The following DHTKD1 variants were observed in gnomAD, a reference collection of about 807,000 sequenced individuals.
The protein encoded by DHTKD1 is dehydrogenase E1 and transketolase domain containing 1.
DHTKD1 carries 78 observed loss-of-function variants against 101.8 expected under a neutral mutation model. The ratio of observed to expected loss-of-function variants is 0.77; its 90% CI spans 0.64 to 0.93. The LOEUF (loss-of-function observed/expected upper bound fraction) is 0.93. Ranked by LOEUF, DHTKD1 falls within the 40% of genes least tolerant of loss-of-function variation. The pLI, the probability that DHTKD1 is intolerant of heterozygous loss-of-function variation, is 0.00. For synonymous variants in DHTKD1, 462 were observed against 450.3 expected (o/e 1.03, Z -0.33); for missense variants, 1,223 against 1,161.7 (o/e 1.05, Z -0.77).
At position 12,088,487 on chromosome 10, in the gene DHTKD1, G is replaced by A. The variant is rs1005040556; in HGVS notation, c.718-499G>A. 2.0e-5 allele frequency among the ~76,000 whole-genome samples: 3 copies of A among 151,888 alleles called. No homozygotes were observed. In the East Asian group the frequency reaches 5.8e-4, roughly 29 times the overall value. On this transcript the variant is annotated intron_variant, in intron 4 of 16. Coordinates refer to ENST00000263035, the MANE Select transcript of DHTKD1 (RefSeq NM_018706.7). ...ATCCTGTCTTAAAAAAAAAAAAGAGGAAAGGCAACTAAGCATATGAGCAGT... is the reference window on the plus strand; with the variant it reads ...ATCCTGTCTTAAAAAAAAAAAAGAGAAAAGGCAACTAAGCATATGAGCAGT...
intron 7 of DHTKD1, among the ~76,000 whole-genome samples, chr10:12,095,639 G>A (rs897407669): frequency 1.3e-5 from 2 of 150,770 alleles, no homozygotes; most frequent in East Asian, 3.9e-4. Flanking sequence ...CGGTGAAACC[G>A]CGTCTCTACT....
At position 12,081,540 on chromosome 10, in the gene DHTKD1, C is replaced by T; in HGVS notation, c.223C>T (p.Pro75Ser). 3 of 1,614,102 alleles carry T rather than the reference C, an allele frequency of 1.9e-6. No homozygotes were observed. The highest frequency in any genetic ancestry group is 2.5e-6 in the Non-Finnish European group (3 of 1,180,004). The change falls in exon 2 of 17, where the codon CCC becomes TCC. Residue 75 changes from proline (P) to serine (S), a missense_variant. By Grantham distance (74) the Pro-to-Ser change is moderately conservative (BLOSUM62 -1). Transcript: ENST00000263035. Reference protein sequence around the residue: ...EHGHKAAKINPLFTGQALLEN... With the variant: ...EHGHKAAKINSLFTGQALLEN... ...TGGTCATAAAGCTGCCAAAATCAAC[C>T]CCCTCTTCACCGGACAAGCCCTGCT...
chr10:12,090,720 C>T (rs1445232377), intron 5 of DHTKD1, among the ~76,000 whole-genome samples: 1 of 152,112 alleles, frequency 6.6e-6, no homozygotes, highest in Non-Finnish European at 1.5e-5. Flanking sequence ...TTCCTAGCTT[C>T]AAGCAACCCT....
intron 1 of DHTKD1, among the ~76,000 whole-genome samples, chr10:12,080,716 A>G (rs905192643): frequency 2.0e-5 from 3 of 151,714 alleles, no homozygotes; most frequent in Admixed American, 6.6e-5. Context: ...GTCTGAAAAA[A>G]AAAAAAAGAA....
rs1167971434 is a variant in DHTKD1, at chr10:12,083,113, G to A, written c.311-1427G>A. 3.3e-5 allele frequency among the ~76,000 whole-genome samples: 5 copies of A among 151,800 alleles called. No individual in the cohort carries two copies. In the South Asian group the frequency reaches 8.3e-4, roughly 25 times the overall value. Reference sequence around the variant, plus strand: ...GCGGAGCTTGCAGTGAGCCAAGATCGTGCCACTGCACTCCAGCCTGGGCGA... The same window carrying A: ...GCGGAGCTTGCAGTGAGCCAAGATCATGCCACTGCACTCCAGCCTGGGCGA... On this transcript the variant is annotated intron_variant, in intron 2 of 16. Coordinates refer to ENST00000263035, the MANE Select transcript of DHTKD1 (RefSeq NM_018706.7).
intron 2 of DHTKD1, among the ~76,000 whole-genome samples, chr10:12,081,975 A>T (rs11257526): frequency 0.48 from 71,537 of 149,294 alleles, 19,217 homozygotes; most frequent in South Asian, 0.71. Flanking sequence ...AAAAAAAAAA[A>T]AAATAACTGG....
intron 6 of DHTKD1, 93 bp from the exon 7 acceptor site, chr10:12,093,980 G>A: frequency 2.7e-6 from 3 of 1,096,222 alleles, no homozygotes; most frequent in Non-Finnish European, 4.1e-6. Flanking sequence ...TGTGAGGATT[G>A]GGCTGTCTTT....
chr10:12,091,411 CAAAA>C, intron 5 of DHTKD1, 98 bp from the exon 6 acceptor site: 60 of 189,834 alleles, frequency 3.2e-4, no homozygotes, highest in Middle Eastern at 2.3e-3. Context: ...GACTCTGTCT[CAAAA>C]AAAAAAAAAA....
chr10:12,091,501 C>T lies in DHTKD1; in HGVS notation c.988-12C>T. The T allele has an allele frequency of 1.9e-6, 3 of 1,570,266 alleles. No individual in the cohort carries two copies. The highest frequency in any genetic ancestry group is 1.2e-5 in the South Asian group (1 of 85,264). The stretch of plus-strand genomic sequence containing the variant: ...TTTTCTCCCCACCCGCTCCCCTTGC[C>T]TCATGATTTAGGTCCATGGTGATGC... On this transcript the variant is annotated splice_polypyrimidine_tract_variant and intron_variant, in intron 5 of 16. Transcript: ENST00000263035.
At position 12,107,837 on chromosome 10, in the gene DHTKD1, C is replaced by G; in HGVS notation, c.2048-72C>G. 3.0e-6 allele frequency: 3 copies of G among 994,278 alleles called. No homozygotes were observed. Among genetic ancestry groups the G allele is most frequent in the South Asian group, 2.8e-5 (2 of 71,760 alleles). 61.6% of individuals were successfully genotyped at this position (994,278 alleles called of 1,614,324 possible). A position where few individuals can be genotyped will look rare whatever the true frequency, so the allele number is the denominator to read the frequency against. ...AGGCAGAAAACTAACATTGATTTCC[C>G]CAGCTGAGTCGTGTCAGGCCACTTT... is the stretch of plus-strand genomic sequence containing the variant. On this transcript the variant is annotated intron_variant, in intron 11 of 16. Coordinates refer to ENST00000263035, the MANE Select transcript of DHTKD1 (RefSeq NM_018706.7). This position sits in a 1 kb window ranked among gnomAD's most constrained non-coding sequence, Gnocchi z 4.1.
Position 12,107,060 on chromosome 10 carries a change from C to T in DHTKD1, c.2047+664C>T, listed in dbSNP as rs1312810956. Among the ~76,000 whole-genome samples the T allele has an allele frequency of 6.6e-6, 1 of 151,802 alleles. No homozygotes were observed. Among genetic ancestry groups the T allele is most frequent in the Non-Finnish European group, 1.5e-5 (1 of 67,966 alleles). On this transcript the variant is annotated intron_variant, in intron 11 of 16. Coordinates refer to ENST00000263035, the MANE Select transcript of DHTKD1 (RefSeq NM_018706.7). This position sits in a 1 kb window ranked among gnomAD's most constrained non-coding sequence, Gnocchi z 4.1. ...AGTGCAGTGGTGCGATCTCGGCTCA[C>T]TGCAAGCTCCGCCTACTGGGTTTGC...
intron 2 of DHTKD1, among the ~76,000 whole-genome samples, chr10:12,082,414 C>G (rs1426783051): frequency 6.6e-6 from 1 of 152,022 alleles, no homozygotes; most frequent in East Asian, 1.9e-4. Flanking sequence ...AGGGTCCTAC[C>G]TCATGTTACT....
chr10:12,120,630 C>G (rs1833512759), intron 16 of DHTKD1, among the ~76,000 whole-genome samples, 157 bp from the exon 17 acceptor site: 1 of 152,166 alleles, frequency 6.6e-6, no homozygotes, highest in Non-Finnish European at 1.5e-5. Flanking sequence ...AGGCACGGAG[C>G]CCTGTCCCTC....
intron 15 of DHTKD1, 84 bp downstream of exon 15, chr10:12,119,002 G>C: frequency 7.5e-7 from 1 of 1,340,282 alleles, no homozygotes; most frequent in Non-Finnish European, 9.9e-7. Flanking sequence ...ATGTGGTGGG[G>C]GTTATTAGAA....
chr10:12,120,952 G>T lies in DHTKD1; in HGVS notation c.*64G>T, dbSNP rs546116931. On this transcript the variant is annotated 3_prime_UTR_variant, in exon 17 of 17. Transcript: ENST00000263035. Reference sequence around the variant, plus strand: ...ATGGCCATTAAGGCCGGGTGGGGTGGCACATGCCTGTAATCCCAGCACTTT... The same window carrying T: ...ATGGCCATTAAGGCCGGGTGGGGTGTCACATGCCTGTAATCCCAGCACTTT... The T allele has an allele frequency of 6.9e-7, 1 of 1,449,024 alleles. No individual in the cohort carries two copies. The highest frequency in any genetic ancestry group is 9.5e-7 in the Non-Finnish European group (1 of 1,050,070). 89.8% of individuals were successfully genotyped at this position (1,449,024 alleles called of 1,614,324 possible).
At chr10:12,119,594 C>G (rs111685164) in intron 15 of DHTKD1, among the ~76,000 whole-genome samples, 1 of 127,806 alleles carries the variant, frequency 7.8e-6, no homozygotes, top group Non-Finnish European at 1.6e-5. Flanking sequence ...CCAGCCTGGG[C>G]GACAGAGCGA....
At position 12,120,840 on chromosome 10, in the gene DHTKD1, A is replaced by C. The variant is rs1365387082; in HGVS notation, c.2712A>C (p.Thr904=). Residue 904 remains threonine, a synonymous_variant, in exon 17 of 17, where the codon ACA becomes ACC. Coordinates refer to ENST00000263035, the MANE Select transcript of DHTKD1 (RefSeq NM_018706.7). ...CAGTACCCGCTGTAGGAATTGGCACAGTTCACTTGCACCAGCATGAAGATA... is the reference window on the plus strand; with the variant it reads ...CAGTACCCGCTGTAGGAATTGGCACCGTTCACTTGCACCAGCATGAAGATA... ...PLPVPAVGIG[T]VHLHQHEDIL... is the part of the protein sequence containing the mutation. 1 of 1,614,006 alleles carries C rather than the reference A, an allele frequency of 6.2e-7. No homozygotes were observed. The highest frequency in any genetic ancestry group is 1.3e-5 in the African/African-American group (1 of 74,944).
chr10:12,068,992 C>G lies in DHTKD1; in HGVS notation c.-42C>G. ...TTTACCAGGGCCGGTGGGATCCCCT[C>G]GGGCTCCCGCCTTAGCATGCTGGCC... On this transcript the variant is annotated 5_prime_UTR_variant, in exon 1 of 17. Transcript: ENST00000263035. 6.2e-7 allele frequency: 1 copy of G among 1,608,126 alleles called. No homozygotes were observed. The highest frequency in any genetic ancestry group is 1.7e-5 in the Admixed American group (1 of 59,814).
intron 3 of DHTKD1, 56 bp downstream of exon 3, chr10:12,084,807 T>G: frequency 2.6e-6 from 4 of 1,530,770 alleles, no homozygotes; most frequent in Non-Finnish European, 3.6e-6. Context: ...TCCCAGCACT[T>G]TGGGAGGCCG....
Sources: allele counts gnomAD v4.1 joint callset (sites outside exome capture counted in the v4.1 genomes callset), GRCh38; gene constraint gnomAD v4.1.1; non-coding constraint Gnocchi (gnomAD v3.1); transcripts MANE v1.5; gene names NCBI Gene and HGNC (gene_info 2026-07-23, HGNC 2026-07-21).